Variants in OTUD7A observed in about 807,000 individuals in gnomAD.
OTUD7A encodes the protein OTU deubiquitinase 7A.
Under a neutral mutation model 65.7 loss-of-function variants are expected in OTUD7A, and 12 were observed. The observed-to-expected ratio is 0.18, with a 90% CI of 0.12 to 0.30. The LOEUF is 0.30. Among genes scored for constraint, OTUD7A ranks in the 10% least tolerant of loss-of-function variants. The probability of loss-of-function intolerance (pLI) is 1.00; values close to 1 mark genes in which losing one functional copy is unlikely to be tolerated. For synonymous variants in OTUD7A, 641 were observed against 586.3 expected (o/e 1.09, Z -1.35); for missense variants, 1,148 against 1,304.8 (o/e 0.88, Z 1.85).
At chr15:31,796,099 T>C (rs1895945758) in intron 1 of OTUD7A, among the ~76,000 whole-genome samples, 1 of 151,718 alleles carries the variant, frequency 6.6e-6, no homozygotes, top group Admixed American at 6.6e-5. Flanking sequence ...TGAGTCTCTG[T>C]AACATTAGGG....
At chr15:31,620,277 C>T (rs1244886167) in intron 3 of OTUD7A, among the ~76,000 whole-genome samples, 2 of 152,092 alleles carry the variant, frequency 1.3e-5, no homozygotes, top group Non-Finnish European at 2.9e-5. Context: ...TGATGCTGGC[C>T]TCATAAAATG....
At chr15:31,829,567 C>T (rs1896881239) in intron 1 of OTUD7A, among the ~76,000 whole-genome samples, 1 of 152,196 alleles carries the variant, frequency 6.6e-6, no homozygotes. Context: ...TGTGCAGATA[C>T]CTGTAATGCG....
chr15:31,846,874 TCAC>T (rs144616481), intron 1 of OTUD7A, among the ~76,000 whole-genome samples: 1,743 of 152,374 alleles, frequency 0.011, 26 homozygotes, highest in Non-Finnish European at 0.019. Flanking sequence ...CTTGCTACTT[TCAC>T]GAGTTTAGAC....
chr15:31,566,877 C>A (rs751771717), intron 4 of OTUD7A, among the ~76,000 whole-genome samples: 11 of 152,192 alleles, frequency 7.2e-5, no homozygotes, highest in Non-Finnish European at 1.0e-4. Context: ...TTCCTGAGGC[C>A]TCCCCAGAAG....
At chr15:31,540,287 G>C (rs1043756411) in intron 5 of OTUD7A, among the ~76,000 whole-genome samples, 5 of 152,184 alleles carry the variant, frequency 3.3e-5, no homozygotes, top group African/African-American at 4.8e-5. Flanking sequence ...CAAAGGAGGT[G>C]AAAGACCTGA....
At chr15:31,781,591 T>C (rs1422513612) in intron 1 of OTUD7A, among the ~76,000 whole-genome samples, 2 of 152,204 alleles carry the variant, frequency 1.3e-5, no homozygotes, top group Admixed American at 1.3e-4. Context: ...CAGGCTCAGA[T>C]AGCACCTCTC....
intron 9 of OTUD7A, among the ~76,000 whole-genome samples, chr15:31,503,111 G>A (rs539548552): frequency 9.9e-5 from 15 of 152,272 alleles, no homozygotes; most frequent in African/African-American, 3.6e-4. Context: ...TCTGTAAAGT[G>A]GGGAGGGTGG....
chr15:31,664,238 G>T (rs1191539798), intron 1 of OTUD7A, among the ~76,000 whole-genome samples: 5 of 147,994 alleles, frequency 3.4e-5, no homozygotes, highest in Admixed American at 1.3e-4. Context: ...GTTCTTTAAG[G>T]AGTCTCCACA....
intron 1 of OTUD7A, among the ~76,000 whole-genome samples, chr15:31,716,392 C>T (rs1223827293): frequency 2.8e-5 from 3 of 105,932 alleles, no homozygotes; most frequent in Admixed American, 1.2e-4. Context: ...TGTATTAACA[C>T]CTTTGCTCTG....
chr15:31,661,617 A>G (rs946826211), intron 1 of OTUD7A, among the ~76,000 whole-genome samples: 10 of 152,204 alleles, frequency 6.6e-5, no homozygotes, highest in African/African-American at 2.4e-4. Flanking sequence ...TGCTCACATA[A>G]TTTTGAAGCA....
At chr15:31,667,966 A>G (rs2141292321) in intron 1 of OTUD7A, among the ~76,000 whole-genome samples, 1 of 152,314 alleles carries the variant, frequency 6.6e-6, no homozygotes, top group South Asian at 2.1e-4. Flanking sequence ...TACTGAAGAT[A>G]GGGCCCCAAT....
intron 1 of OTUD7A, among the ~76,000 whole-genome samples, chr15:31,678,016 A>G (rs1248981649): frequency 6.6e-6 from 1 of 152,220 alleles, no homozygotes; most frequent in Non-Finnish European, 1.5e-5. Context: ...GATGGAGATG[A>G]GGAACTTGTT....
intron 1 of OTUD7A, among the ~76,000 whole-genome samples, chr15:31,723,184 T>C (rs1170466936): frequency 2.0e-5 from 3 of 152,180 alleles, no homozygotes; most frequent in African/African-American, 7.2e-5. Flanking sequence ...GAACTCGGGA[T>C]GGCTGCGTGG....
intron 8 of OTUD7A, among the ~76,000 whole-genome samples, chr15:31,504,866 T>C (rs2041535241): frequency 6.7e-6 from 1 of 150,236 alleles, no homozygotes; most frequent in Non-Finnish European, 1.5e-5. Flanking sequence ...ATACTACCCA[T>C]GTTTTTTCTT....
intron 3 of OTUD7A, among the ~76,000 whole-genome samples, chr15:31,586,462 G>A (rs1889540889): frequency 6.6e-6 from 1 of 152,172 alleles, no homozygotes; most frequent in Non-Finnish European, 1.5e-5. Context: ...ACTCAGGGGT[G>A]GGAGTCAGAA....
chr15:31,812,073 G>T (rs1896432940), intron 1 of OTUD7A, among the ~76,000 whole-genome samples: 1 of 152,198 alleles, frequency 6.6e-6, no homozygotes, highest in African/African-American at 2.4e-5. Context: ...CTGCACTGGT[G>T]GAAGCAGCAG....
intron 3 of OTUD7A, among the ~76,000 whole-genome samples, chr15:31,633,104 C>A (rs115193637): frequency 6.6e-6 from 1 of 152,196 alleles, no homozygotes; most frequent in East Asian, 1.9e-4. Context: ...TGCTTCGGCC[C>A]ACGCACAGTG....
At chr15:31,558,684 C>A in intron 5 of OTUD7A, 1 of 476,870 alleles carries the variant, frequency 2.1e-6, no homozygotes. Flanking sequence ...AGAAGCAAGG[C>A]AAAGAAGCAT....
Position 31,548,779 on chromosome 15 carries a change from A to G in OTUD7A, c.550+10190T>C, listed in dbSNP as rs531874801. On this transcript the variant is annotated intron_variant, in intron 5 of 12. Coordinates refer to ENST00000307050, the MANE Select transcript of OTUD7A (RefSeq NM_001382637.1). ...TGGTTCTGATTGTCAAAAGAGCCCA[A>G]TCAAAGGGTATGATATCTTTGGAGG... Among the ~76,000 whole-genome samples the G allele has an allele frequency of 2.6e-5, 4 of 152,254 alleles. No individual in the cohort carries two copies. The East Asian group carries it at 5.8e-4, about 22-fold the overall frequency.
Sources: allele counts gnomAD v4.1 joint callset (sites outside exome capture counted in the v4.1 genomes callset), GRCh38; gene constraint gnomAD v4.1.1; transcripts MANE v1.5; gene names NCBI Gene and HGNC (gene_info 2026-07-23, HGNC 2026-07-21).